The following CSMD1 variants were observed in gnomAD, a reference collection of about 807,000 sequenced individuals.
The protein encoded by CSMD1 is CUB and Sushi multiple domains 1, also known as CUB and sushi domain-containing protein 1.
In CSMD1, 213 loss-of-function variants were observed where a neutral mutation model predicts 417.5. The observed-to-expected ratio is 0.51, with a 90% CI of 0.46 to 0.57. The LOEUF (loss-of-function observed/expected upper bound fraction) is 0.57, where lower values mean the gene tolerates loss of function less well. Among genes scored for constraint, CSMD1 ranks in the 20% least tolerant of loss-of-function variants. CSMD1 has a pLI of 0.00. For synonymous variants in CSMD1, 2,862 were observed against 1,736.8 expected, an observed-to-expected ratio of 1.65 and a Z score of -16.11; for missense variants, 6,923 against 4,529.7, an observed-to-expected ratio of 1.53 and a Z score of -15.17.
intron 2 of CSMD1, among the ~76,000 whole-genome samples, chr8:4,630,809 A>G (rs1802466202): frequency 1.3e-5 from 2 of 151,928 alleles, no homozygotes; most frequent in South Asian, 4.1e-4. Flanking sequence ...TTAAGAAGTC[A>G]CCTCTGTGTG....
chr8:4,788,635 T>G, intron 1 of CSMD1: 1 of 780,248 alleles, frequency 1.3e-6, no homozygotes, highest in Non-Finnish European at 2.1e-6. Context: ...AAATTTCTAA[T>G]TTAGCTGAAG....
chr8:4,082,315 T>C (rs1462595844), intron 3 of CSMD1, among the ~76,000 whole-genome samples: 2 of 152,170 alleles, frequency 1.3e-5, no homozygotes, highest in African/African-American at 2.4e-5. Context: ...AAATTTAATA[T>C]TTGATATTAC....
intron 53 of CSMD1, among the ~76,000 whole-genome samples, chr8:2,999,280 C>G (rs1465008863): frequency 6.6e-6 from 1 of 151,464 alleles, no homozygotes; most frequent in Non-Finnish European, 1.5e-5. Flanking sequence ...TCAGCCCCTC[C>G]TAGTAGCTGG....
intron 11 of CSMD1, chr8:3,469,035 G>C (rs975070395): frequency 2.5e-6 from 1 of 395,896 alleles, no homozygotes; most frequent in African/African-American, 2.1e-5. Flanking sequence ...CTATTCTATG[G>C]CTGCCAATTC....
chr8:4,982,880 T>C (rs1810975256), intron 1 of CSMD1, among the ~76,000 whole-genome samples: 1 of 152,188 alleles, frequency 6.6e-6, no homozygotes, highest in Non-Finnish European at 1.5e-5. Flanking sequence ...GAAAGGTAAT[T>C]TTGTAACTGC....
At chr8:3,968,004 T>TAAAAAAAAAAAAAAAAAAAAAAAAA (rs11330461) in intron 5 of CSMD1, among the ~76,000 whole-genome samples, 3 of 98,890 alleles carry the variant, frequency 3.0e-5, no homozygotes, top group African/African-American at 1.3e-4. Context: ...CGTCACTGCT[T>TAAAAAAAAAAAAAAAAAAAAAAAAA]AAAAAAAAAA....
rs55774556 is a variant in CSMD1, at chr8:4,095,010, G to C, written c.416-62911C>G. Among the ~76,000 whole-genome samples the C allele has an allele frequency of 3.4e-3, 513 of 152,274 alleles. 3 individuals are homozygous for C. The highest frequency in any genetic ancestry group is 6.8e-3 in the Middle Eastern group (2 of 294). ...TATACAGGTGGACTAGAAATGGAGA[G>C]ACCATGGCAACAAAGATCTTGAGAA... On this transcript the variant is annotated intron_variant, in intron 3 of 69. Coordinates refer to ENST00000635120, the MANE Select transcript of CSMD1 (RefSeq NM_033225.6).
At chr8:3,388,041 T>C (rs995523591) in intron 17 of CSMD1, among the ~76,000 whole-genome samples, 2 of 152,226 alleles carry the variant, frequency 1.3e-5, no homozygotes, top group East Asian at 1.9e-4. Flanking sequence ...TCTCCCTGTG[T>C]CTTATATATG....
At position 3,635,642 on chromosome 8, in the gene CSMD1, C is replaced by T. The variant is rs1428893112; in HGVS notation, c.1010-18845G>A. Among the ~76,000 whole-genome samples the T allele has an allele frequency of 4.6e-5, 7 of 151,358 alleles. No homozygotes were observed. In the South Asian group the frequency reaches 8.3e-4, roughly 18 times the overall value. On this transcript the variant is annotated intron_variant, in intron 7 of 69. Transcript: ENST00000635120. ...GGGACTACAGGCGCCAGCCACCATG[C>T]CTGGCTATTTTTTGTATTTTTTAGT...
At chr8:3,766,798 A>C (rs1371037149) in intron 5 of CSMD1, among the ~76,000 whole-genome samples, 3 of 152,216 alleles carry the variant, frequency 2.0e-5, no homozygotes, top group Non-Finnish European at 4.4e-5. Flanking sequence ...ATCTTGGGAT[A>C]AGAACAAGTC....
At chr8:3,150,032 A>G (rs1819096418) in intron 40 of CSMD1, among the ~76,000 whole-genome samples, 1 of 152,192 alleles carries the variant, frequency 6.6e-6, no homozygotes, top group African/African-American at 2.4e-5. Context: ...CAATAAGTTC[A>G]TGTCTCCAGA....
chr8:4,974,467 A>G (rs1810428321), intron 1 of CSMD1, among the ~76,000 whole-genome samples: 1 of 151,980 alleles, frequency 6.6e-6, no homozygotes, highest in Non-Finnish European at 1.5e-5. Flanking sequence ...CAGGCTATAT[A>G]TAAATCACTA....
chr8:3,501,553 G>A (rs1416282301), intron 10 of CSMD1, among the ~76,000 whole-genome samples: 2 of 152,070 alleles, frequency 1.3e-5, no homozygotes, highest in Non-Finnish European at 2.9e-5. Flanking sequence ...AATAACTGTA[G>A]GTTTGAAATT....
At chr8:4,784,666 T>A (rs982463611) in intron 1 of CSMD1, among the ~76,000 whole-genome samples, 5 of 152,220 alleles carry the variant, frequency 3.3e-5, no homozygotes, top group Non-Finnish European at 7.3e-5. Flanking sequence ...AGGGCAAATA[T>A]TTTTGAAAAT....
chr8:2,946,314 A>G (rs985848796), intron 68 of CSMD1, among the ~76,000 whole-genome samples: 1 of 152,160 alleles, frequency 6.6e-6, no homozygotes, highest in Non-Finnish European at 1.5e-5. Flanking sequence ...GGGTGGTGCA[A>G]TCACCACCGT....
intron 39 of CSMD1, among the ~76,000 whole-genome samples, chr8:3,152,002 A>T (rs1425235729): frequency 6.6e-6 from 1 of 152,204 alleles, no homozygotes; most frequent in Non-Finnish European, 1.5e-5. Flanking sequence ...AGATGAAGAA[A>T]TTTGCCTAAA....
intron 12 of CSMD1, among the ~76,000 whole-genome samples, chr8:3,426,970 C>A (rs1268059110): frequency 6.6e-6 from 1 of 152,132 alleles, no homozygotes; most frequent in Non-Finnish European, 1.5e-5. Context: ...AAGCAAAGTG[C>A]CTTCTTCACA....
chr8:4,804,563 G>A (rs894720910), intron 1 of CSMD1, among the ~76,000 whole-genome samples: 3 of 151,764 alleles, frequency 2.0e-5, no homozygotes, highest in Admixed American at 6.6e-5. Context: ...AACACTGGGA[G>A]GGAGGGAATT....
At chr8:4,360,563 C>G (rs535993912) in intron 3 of CSMD1, among the ~76,000 whole-genome samples, 2 of 152,166 alleles carry the variant, frequency 1.3e-5, no homozygotes, top group East Asian at 3.9e-4. Flanking sequence ...GATCTCGGCT[C>G]ACTGCAAGCT....
Sources: gnomAD v4.1 joint callset for allele counts (sites outside exome capture counted in the v4.1 genomes callset) on GRCh38, gnomAD v4.1.1 for gene constraint, MANE v1.5 for transcripts, NCBI Gene and HGNC (gene_info 2026-07-23, HGNC 2026-07-21) for gene names.